Variants in ZNRF1 observed in about 807,000 individuals in gnomAD.
The protein encoded by ZNRF1 is zinc and ring finger 1, also known as E3 ubiquitin-protein ligase ZNRF1.
Under a neutral mutation model 18.4 loss-of-function variants are expected in ZNRF1, and 3 were observed. The observed-to-expected ratio is 0.16, with a 90% CI of 0.07 to 0.42. ZNRF1 has a LOEUF of 0.42. ZNRF1 is among the 10% of genes least tolerant of loss of function. The probability of loss-of-function intolerance (pLI) is 0.99; values close to 1 mark genes in which losing one functional copy is unlikely to be tolerated. For synonymous variants in ZNRF1, 157 were observed against 144.2 expected (o/e 1.09, Z -0.64); for missense variants, 310 against 329.8 (o/e 0.94, Z 0.47).
intron 1 of ZNRF1, among the ~76,000 whole-genome samples, chr16:75,050,295 G>A (rs964561811): frequency 2.0e-5 from 3 of 152,128 alleles, no homozygotes; most frequent in Admixed American, 6.5e-5. Context: ...TGAGGTCGAG[G>A]CGGGAGGATT....
chr16:75,080,970 G>A (rs1478526578), intron 1 of ZNRF1, among the ~76,000 whole-genome samples: 1 of 152,134 alleles, frequency 6.6e-6, no homozygotes, highest in African/African-American at 2.4e-5. Flanking sequence ...TCAGGAGTTC[G>A]AGACCAGCCT....
chr16:75,097,546 G>C (rs1349705570), intron 2 of ZNRF1, among the ~76,000 whole-genome samples: 1 of 152,216 alleles, frequency 6.6e-6, no homozygotes, highest in Non-Finnish European at 1.5e-5. Flanking sequence ...AGGCAAGGGA[G>C]GCCGGATGCA....
chr16:75,066,344 G>A (rs1483675192), intron 1 of ZNRF1, among the ~76,000 whole-genome samples: 1 of 152,160 alleles, frequency 6.6e-6, no homozygotes, highest in Non-Finnish European at 1.5e-5. Flanking sequence ...TACATCAGTA[G>A]ACCAAAGGAG....
intron 1 of ZNRF1, among the ~76,000 whole-genome samples, chr16:75,061,428 T>C (rs1162537904): frequency 6.6e-6 from 1 of 152,156 alleles, no homozygotes; most frequent in African/African-American, 2.4e-5. Context: ...TTTCCTGGCT[T>C]ATTTCACTTA....
chr16:75,085,786 C>CAGAG (rs1159653292), intron 1 of ZNRF1, among the ~76,000 whole-genome samples: 3 of 48,902 alleles, frequency 6.1e-5, no homozygotes, highest in African/African-American at 1.7e-4. Flanking sequence ...ACAGATCCGA[C>CAGAG]AGAGTGAGAG....
At chr16:75,050,904 A>AAAAAAAC (rs1567478947) in intron 1 of ZNRF1, among the ~76,000 whole-genome samples, 2 of 128,494 alleles carry the variant, frequency 1.6e-5, no homozygotes, top group African/African-American at 6.0e-5. Flanking sequence ...AAAAACAAAA[A>AAAAAAAC]ACTTGTAGCC....
intron 1 of ZNRF1, among the ~76,000 whole-genome samples, chr16:75,007,059 CTTTTTTT>C (rs11321828): frequency 7.2e-6 from 1 of 138,740 alleles, no homozygotes; most frequent in Non-Finnish European, 1.6e-5. Flanking sequence ...CAAGTTTAAT[CTTTTTTT>C]TTTTTTTTTT....
chr16:75,059,252 T>C (rs2035712189), intron 1 of ZNRF1, among the ~76,000 whole-genome samples: 3 of 137,692 alleles, frequency 2.2e-5, no homozygotes, highest in African/African-American at 5.4e-5. Flanking sequence ...TTTCTTTTTT[T>C]TTTTTTTTTT....
chr16:75,087,163 T>G (rs912218403), intron 1 of ZNRF1, among the ~76,000 whole-genome samples: 26 of 152,214 alleles, frequency 1.7e-4, no homozygotes, highest in Admixed American at 5.2e-4. Context: ...GCCCCCATCC[T>G]TCCTCGGCTG....
At chr16:75,005,502 C>T (rs929406538) in intron 1 of ZNRF1, among the ~76,000 whole-genome samples, 1 of 152,090 alleles carries the variant, frequency 6.6e-6, no homozygotes. Context: ...AAGGAACATG[C>T]TTTGTATTTT....
chr16:75,025,661 A>G (rs1034899510), intron 1 of ZNRF1, among the ~76,000 whole-genome samples: 2 of 152,162 alleles, frequency 1.3e-5, no homozygotes, highest in Non-Finnish European at 2.9e-5. Context: ...TGCAGAGGAC[A>G]TTTCGTAAGA....
chr16:75,095,853 T>C, intron 2 of ZNRF1: 1 of 1,120,390 alleles, frequency 8.9e-7, no homozygotes, highest in South Asian at 2.2e-5. Context: ...GCTGTTGGTT[T>C]ACCCCCCTAC....
intron 1 of ZNRF1, among the ~76,000 whole-genome samples, chr16:75,041,830 A>AAT (rs1001618775): frequency 8.0e-5 from 12 of 150,078 alleles, no homozygotes; most frequent in African/African-American, 2.4e-4. Context: ...TAAAAAAAAA[A>AAT]ATATATATAT....
At chr16:75,094,079 G>T (rs1275988152) in intron 2 of ZNRF1, among the ~76,000 whole-genome samples, 1 of 152,226 alleles carries the variant, frequency 6.6e-6, no homozygotes, top group Non-Finnish European at 1.5e-5. Flanking sequence ...CCTTGGGGAG[G>T]TGGGGGCTGT....
chr16:75,002,778 T>C (rs967922216), intron 1 of ZNRF1, among the ~76,000 whole-genome samples: 1 of 152,188 alleles, frequency 6.6e-6, no homozygotes, highest in Non-Finnish European at 1.5e-5. Flanking sequence ...ACATTTGTCT[T>C]CTCTAGGTTC....
intron 1 of ZNRF1, among the ~76,000 whole-genome samples, chr16:75,016,332 G>A (rs1238702361): frequency 2.0e-5 from 3 of 151,540 alleles, no homozygotes; most frequent in East Asian, 1.9e-4. Context: ...TCCACCTCCC[G>A]GGTTCAAGCA....
At chr16:75,040,281 G>A (rs1406024899) in intron 1 of ZNRF1, among the ~76,000 whole-genome samples, 1 of 151,584 alleles carries the variant, frequency 6.6e-6, no homozygotes, top group African/African-American at 2.4e-5. Context: ...TAAAACAAGG[G>A]CGTCACTCTG....
At chr16:75,008,523 G>C (rs1368438720) in intron 1 of ZNRF1, among the ~76,000 whole-genome samples, 2 of 152,144 alleles carry the variant, frequency 1.3e-5, no homozygotes, top group African/African-American at 4.8e-5. Context: ...GATGAATCTA[G>C]GCTTTAAAGA....
chr16:75,054,315 T>C (rs2035643113), intron 1 of ZNRF1, among the ~76,000 whole-genome samples: 1 of 152,234 alleles, frequency 6.6e-6, no homozygotes, highest in African/African-American at 2.4e-5. Flanking sequence ...GAGGGTAGGG[T>C]ACTCTTGTTC....
Sources: allele counts gnomAD v4.1 joint callset (sites outside exome capture counted in the v4.1 genomes callset), GRCh38; gene constraint gnomAD v4.1.1; transcripts MANE v1.5; gene names NCBI Gene and HGNC (gene_info 2026-07-23, HGNC 2026-07-21).